Variants in RBBP5 observed in about 807,000 individuals in gnomAD.
RBBP5 encodes RB binding protein 5, histone lysine methyltransferase complex subunit, also known as retinoblastoma-binding protein 5.
A neutral mutation model predicts 72.2 loss-of-function variants in RBBP5; 5 were observed. That is an observed-to-expected ratio of 0.07 (90% confidence interval 0.04 to 0.15). The LOEUF (loss-of-function observed/expected upper bound fraction) is 0.15. RBBP5 is among the 10% of genes least tolerant of loss of function. RBBP5 has a pLI of 1.00. For synonymous variants in RBBP5, 209 were observed against 237.2 expected, an observed-to-expected ratio of 0.88 and a Z score of 1.09; for missense variants, 322 against 652.2, an observed-to-expected ratio of 0.49 and a Z score of 5.51.
rs564021216 is a variant in RBBP5 at position 205,088,019 on chromosome 1, G to A, written c.*768C>T. On this transcript the variant is annotated 3_prime_UTR_variant, in exon 14 of 14. Transcript: ENST00000264515. ...GTTTCCATCTCTGGAAGCCAGCACA[G>A]GTAAAGCAATATAAACTATTGATGA... 1 of 152,384 alleles carries A rather than the reference G, an allele frequency of 6.6e-6. No homozygotes were observed. Among genetic ancestry groups the A allele is most frequent in the Non-Finnish European group, 1.5e-5 (1 of 68,024 alleles). 9.4% of individuals were successfully genotyped at this position (152,384 alleles called of 1,614,324 possible).
At chr1:205,106,855 A>C (rs1201905202) in intron 3 of RBBP5, among the ~76,000 whole-genome samples, 3 of 152,338 alleles carry the variant, frequency 2.0e-5, no homozygotes, top group Non-Finnish European at 4.4e-5. Context: ...AGAAAATCTT[A>C]GCAAAGAAAC....
chr1:205,120,494 T>C (rs1475832931), intron 1 of RBBP5, among the ~76,000 whole-genome samples: 2 of 152,200 alleles, frequency 1.3e-5, no homozygotes, highest in Admixed American at 6.5e-5. Flanking sequence ...CTTCAGCCTG[T>C]TGATATTTTA....
At position 205,087,557 on chromosome 1, in the gene RBBP5, A is replaced by G. The variant is rs1170620063; in HGVS notation, c.*1230T>C. 1 of 147,660 alleles carries G rather than the reference A, an allele frequency of 6.8e-6. No individual in the cohort carries two copies. The highest frequency in any genetic ancestry group is 1.5e-5 in the Non-Finnish European group (1 of 67,464). The allele number at this position is 147,660 out of a possible 1,614,324, so 9.1% of individuals were successfully genotyped here. A position where few individuals can be genotyped will look rare whatever the true frequency, so the allele number is the denominator to read the frequency against. ...AAATTCTCCTTTTAAAATATTGAAA[A>G]AAAAAAAAAAAAAAAAAAGACGATC... On this transcript the variant is annotated 3_prime_UTR_variant, in exon 14 of 14. Transcript: ENST00000264515.
At chr1:205,095,365 T>C (rs1405593110) in intron 12 of RBBP5, among the ~76,000 whole-genome samples, 1 of 43,780 alleles carries the variant, frequency 2.3e-5, no homozygotes, top group Non-Finnish European at 5.5e-5. Context: ...CTTAAAACAT[T>C]ATGAGTTTTT....
rs531746870 is a variant in RBBP5 at position 205,100,495 on chromosome 1, T to G, written c.633-224A>C. Among the ~76,000 whole-genome samples the G allele has an allele frequency of 9.8e-5, 15 of 152,360 alleles. No homozygotes were observed. In the South Asian group the frequency reaches 3.1e-3, roughly 32 times the overall value. The stretch of plus-strand genomic sequence containing the variant: ...CCCAAAATATACAAATTGTCAGCAT[T>G]AACTAAGTTCCAAGACCTCTCTACT... On this transcript the variant is annotated intron_variant, in intron 6 of 13. Coordinates refer to ENST00000264515, the MANE Select transcript of RBBP5 (RefSeq NM_005057.4).
chr1:205,114,743 T>C (rs780760049), intron 3 of RBBP5, 46 bp downstream of exon 3: 2 of 1,415,068 alleles, frequency 1.4e-6, no homozygotes, highest in Middle Eastern at 2.2e-4. Context: ...TATATAGTCA[T>C]CATTCATTCT....
chr1:205,100,584 C>A (rs567267725), intron 6 of RBBP5, among the ~76,000 whole-genome samples: 2 of 152,160 alleles, frequency 1.3e-5, no homozygotes, highest in East Asian at 3.9e-4. Context: ...ATCTCTCTGG[C>A]CTGTTTTACA....
intron 3 of RBBP5, among the ~76,000 whole-genome samples, chr1:205,108,008 G>GTCAA (rs1202605646): frequency 6.6e-6 from 1 of 151,060 alleles, no homozygotes; most frequent in Non-Finnish European, 1.5e-5. Flanking sequence ...ACTTTAGGAG[G>GTCAA]TCAAGGCGGG....
intron 5 of RBBP5, among the ~76,000 whole-genome samples, chr1:205,102,893 T>C (rs1259731659): frequency 6.6e-6 from 1 of 150,770 alleles, no homozygotes; most frequent in African/African-American, 2.4e-5. Flanking sequence ...CTCGGGAGGC[T>C]GAGGCAGGAG....
chr1:205,115,749 A>T, intron 2 of RBBP5, 109 bp downstream of exon 2: 4 of 1,354,362 alleles, frequency 3.0e-6, no homozygotes, highest in Non-Finnish European at 3.9e-6. Flanking sequence ...ATATTATCAC[A>T]CTTAATGCTT....
intron 3 of RBBP5, among the ~76,000 whole-genome samples, chr1:205,108,899 G>A (rs1656189290): frequency 6.6e-6 from 1 of 152,156 alleles, no homozygotes; most frequent in South Asian, 2.1e-4. Context: ...AGAATTCTTG[G>A]CTTGGCACAT....
intron 13 of RBBP5, 150 bp from the exon 14 acceptor site, chr1:205,088,965 A>C: frequency 3.1e-6 from 2 of 640,670 alleles, no homozygotes; most frequent in Non-Finnish European, 5.2e-6. Flanking sequence ...ACCAACTCCA[A>C]CTCCCAATTA....
chr1:205,093,495 T>A (rs1558570322), intron 13 of RBBP5, among the ~76,000 whole-genome samples: 161 of 3,300 alleles, frequency 0.049, 58 homozygotes, highest in Non-Finnish European at 0.15. Flanking sequence ...TATATATATA[T>A]ATATATATAT....
chr1:205,096,488 G>T (rs1466429944), intron 12 of RBBP5, among the ~76,000 whole-genome samples, 194 bp downstream of exon 12: 1 of 152,182 alleles, frequency 6.6e-6, no homozygotes, highest in Non-Finnish European at 1.5e-5. Flanking sequence ...AAGTACTGAA[G>T]GGCAGAATTT....
intron 1 of RBBP5, among the ~76,000 whole-genome samples, chr1:205,118,751 T>C (rs1317063265): frequency 1.3e-5 from 2 of 152,228 alleles, no homozygotes; most frequent in East Asian, 3.8e-4. Flanking sequence ...ATAGAATATA[T>C]ATTTCTTACT....
At chr1:205,108,684 A>C (rs957350016) in intron 3 of RBBP5, among the ~76,000 whole-genome samples, 1 of 152,212 alleles carries the variant, frequency 6.6e-6, no homozygotes, top group African/African-American at 2.4e-5. Flanking sequence ...GGTGCTATTG[A>C]GAAACTCAGC....
chr1:205,117,954 C>T (rs1156251543), intron 1 of RBBP5, among the ~76,000 whole-genome samples: 2 of 152,006 alleles, frequency 1.3e-5, no homozygotes, highest in Admixed American at 1.3e-4. Flanking sequence ...GGATTACAGG[C>T]ATGCACTGCC....
At position 205,115,743 on chromosome 1, in the gene RBBP5, T is replaced by A. The variant is rs1656494529; in HGVS notation, c.45+115A>T. ...CTCCTTATTATAGCATAAGATATATTATCACACTTAATGCTTCTCTGTCAA... is the reference window on the plus strand; with the variant it reads ...CTCCTTATTATAGCATAAGATATATAATCACACTTAATGCTTCTCTGTCAA... On this transcript the variant is annotated intron_variant, in intron 2 of 13. Transcript: ENST00000264515. 5.4e-6 allele frequency: 7 copies of A among 1,306,186 alleles called. No homozygotes were observed. The Admixed American group carries it at 1.9e-4, about 36-fold the overall frequency. 80.9% of individuals were successfully genotyped at this position (1,306,186 alleles called of 1,614,324 possible).
intron 12 of RBBP5, among the ~76,000 whole-genome samples, chr1:205,095,901 G>C (rs1306019048): frequency 6.6e-6 from 1 of 152,160 alleles, no homozygotes; most frequent in Non-Finnish European, 1.5e-5. Flanking sequence ...AGCTAAAAGA[G>C]AAGAGGAAGG....
Sources: gnomAD v4.1 joint callset for allele counts (sites outside exome capture counted in the v4.1 genomes callset) on GRCh38, gnomAD v4.1.1 for gene constraint, MANE v1.5 for transcripts, NCBI Gene and HGNC (gene_info 2026-07-23, HGNC 2026-07-21) for gene names.